Variants in SLC6A17 observed in about 807,000 individuals in gnomAD.
The protein encoded by SLC6A17 is sodium-dependent neutral amino acid transporter SLC6A17.
Under a neutral mutation model 64.5 loss-of-function variants are expected in SLC6A17, and 21 were observed. The observed-to-expected ratio is 0.33, with a 90% CI of 0.23 to 0.47. The LOEUF is 0.47. Ranked by LOEUF, SLC6A17 falls within the 20% of genes least tolerant of loss-of-function variation. The pLI is 1.00. For synonymous variants in SLC6A17, 372 were observed against 399.5 expected (o/e 0.93, Z 0.82); for missense variants, 682 against 963.2 (o/e 0.71, Z 3.86).
intron 2 of SLC6A17, among the ~76,000 whole-genome samples, chr1:110,169,345 T>A (rs1656155555): frequency 6.6e-6 from 1 of 152,206 alleles, no homozygotes; most frequent in Admixed American, 6.5e-5. Context: ...CCCTGTGTGA[T>A]AGGTGTTGGG....
intron 1 of SLC6A17, among the ~76,000 whole-genome samples, chr1:110,156,972 G>A (rs140766140): frequency 6.6e-6 from 1 of 152,188 alleles, no homozygotes; most frequent in South Asian, 2.1e-4. Context: ...GATGCTGTGA[G>A]GACTCATCTG....
intron 8 of SLC6A17, 57 bp from the exon 9 acceptor site, chr1:110,194,521 CA>C (rs1656908969): frequency 1.3e-6 from 2 of 1,558,526 alleles, no homozygotes; most frequent in African/African-American, 1.4e-5. Flanking sequence ...GGGAAGGAAG[CA>C]GTGGGCTCCC....
At chr1:110,196,483 G>A (rs991623755) in intron 10 of SLC6A17, among the ~76,000 whole-genome samples, 1 of 152,156 alleles carries the variant, frequency 6.6e-6, no homozygotes, top group East Asian at 1.9e-4. Context: ...GACAGGGAGT[G>A]GGGGGAAGGA....
chr1:110,169,612 A>G (rs1656163312), intron 2 of SLC6A17, among the ~76,000 whole-genome samples: 1 of 152,030 alleles, frequency 6.6e-6, no homozygotes, highest in South Asian at 2.1e-4. Context: ...GGCTTAGAAT[A>G]CTGACCGAGG....
Position 110,194,660 on chromosome 1 carries a change from A to C in SLC6A17, c.1381A>C (p.Met461Leu), listed in dbSNP as rs983602980. ...CCCCGCCTCCCCGTTCTGGTCCGTC[A>C]TGTTCTTCTTGATGCTTATCAACCT... ...HFPASPFWSV[M>L]FFLMLINLGL... Residue 461 changes from methionine to leucine, a missense_variant, in exon 9 of 12, where the codon ATG (methionine) becomes CTG (leucine). By Grantham distance (15) the Met-to-Leu change is conservative (BLOSUM62 2). Coordinates refer to ENST00000331565, the MANE Select transcript of SLC6A17 (RefSeq NM_001010898.4). The C allele has an allele frequency of 7.4e-6, 12 of 1,614,038 alleles. No homozygotes were observed. The highest frequency in any genetic ancestry group is 1.3e-5 in the African/African-American group (1 of 74,904).
intron 2 of SLC6A17, among the ~76,000 whole-genome samples, chr1:110,170,377 G>C (rs925500164): frequency 6.6e-6 from 1 of 152,164 alleles, no homozygotes; most frequent in African/African-American, 2.4e-5. Flanking sequence ...CCAGCTACTC[G>C]AGAGGCTGAG....
At chr1:110,170,086 G>C (rs1483745825) in intron 2 of SLC6A17, among the ~76,000 whole-genome samples, 3 of 152,058 alleles carry the variant, frequency 2.0e-5, no homozygotes, top group Non-Finnish European at 4.4e-5. Context: ...TCTTTGGGGA[G>C]AAAAAAGAGG....
chr1:110,191,462 G>A (rs1358935410), intron 6 of SLC6A17, among the ~76,000 whole-genome samples: 3 of 152,138 alleles, frequency 2.0e-5, no homozygotes, highest in Non-Finnish European at 2.9e-5. Flanking sequence ...AAAAGCAGGC[G>A]GTTTGGGTTT....
intron 6 of SLC6A17, among the ~76,000 whole-genome samples, chr1:110,184,704 G>T (rs968003399): frequency 2.6e-5 from 4 of 152,230 alleles, no homozygotes; most frequent in African/African-American, 9.6e-5. Flanking sequence ...GGCCCCAGGA[G>T]TGTGGAGAGT....
At position 110,187,421 on chromosome 1, in the gene SLC6A17, A is replaced by T. The variant is rs557810; in HGVS notation, c.865-4551A>T. 4.6e-3 allele frequency among the ~76,000 whole-genome samples: 704 copies of T among 152,118 alleles called. 4 individuals carry two copies. The highest frequency in any genetic ancestry group is 0.015 in the African/African-American group (610 of 41,478). On this transcript the variant is annotated intron_variant, in intron 6 of 11. Coordinates refer to ENST00000331565, the MANE Select transcript of SLC6A17 (RefSeq NM_001010898.4). The stretch of plus-strand genomic sequence containing the variant: ...TATTTGAAGTTGGTTCGAGCAGTTG[A>T]CCACATTTGATTGGCCAAAACTCAG...
At chr1:110,160,456 G>A (rs908471450) in intron 1 of SLC6A17, among the ~76,000 whole-genome samples, 9 of 152,236 alleles carry the variant, frequency 5.9e-5, no homozygotes, top group East Asian at 1.9e-4. Context: ...CTGTGTGTGC[G>A]AAGCACTGGT....
rs147484517 is a variant in SLC6A17 at position 110,185,443 on chromosome 1, C to T, written c.865-6529C>T. On this transcript the variant is annotated intron_variant, in intron 6 of 11. Coordinates refer to ENST00000331565, the MANE Select transcript of SLC6A17 (RefSeq NM_001010898.4). ...AGAAGCAAGGTGTGTGCTCCTGTCA[C>T]GCATGCGCTCAGGCTAGGGCTCAGC... Among the ~76,000 whole-genome samples the T allele has an allele frequency of 6.0e-4, 91 of 152,352 alleles. 1 individual carries two copies. Among genetic ancestry groups the T allele is most frequent in the Middle Eastern group, 6.8e-3 (2 of 294 alleles).
chr1:110,167,366 A>C (rs1278977834), intron 2 of SLC6A17, 151 bp downstream of exon 2: 2 of 1,014,606 alleles, frequency 2.0e-6, no homozygotes, highest in Non-Finnish European at 2.8e-6. Context: ...AATAGCTATA[A>C]TGATGGTTAG....
chr1:110,194,893 G>T, intron 9 of SLC6A17, 122 bp downstream of exon 9: 3 of 1,204,920 alleles, frequency 2.5e-6, no homozygotes, highest in Non-Finnish European at 3.5e-6. Context: ...CCCACACTGG[G>T]ACACAGCTGG....
intron 1 of SLC6A17, among the ~76,000 whole-genome samples, chr1:110,152,646 G>A (rs543526586): frequency 6.6e-6 from 1 of 152,156 alleles, no homozygotes; most frequent in African/African-American, 2.4e-5. Flanking sequence ...GTAAGGAAAG[G>A]CTCTGTGATT....
chr1:110,194,283 G>T (rs964844622), intron 8 of SLC6A17, among the ~76,000 whole-genome samples: 1 of 152,214 alleles, frequency 6.6e-6, no homozygotes, highest in Non-Finnish European at 1.5e-5. Flanking sequence ...TGAGCTGGGT[G>T]TATTTCTAAA....
intron 1 of SLC6A17, among the ~76,000 whole-genome samples, chr1:110,162,194 G>A (rs186213634): frequency 1.4e-5 from 2 of 138,304 alleles, no homozygotes; most frequent in African/African-American, 5.0e-5. Flanking sequence ...AGCTACTAAG[G>A]GGGGGATAAT....
intron 1 of SLC6A17, among the ~76,000 whole-genome samples, chr1:110,153,157 G>T (rs533249904): frequency 6.6e-5 from 10 of 152,292 alleles, no homozygotes; most frequent in Middle Eastern, 6.8e-3. Context: ...ACTCCTTGGG[G>T]TTGTTTCTGA....
chr1:110,192,463 C>T lies in SLC6A17; in HGVS notation c.1107-43C>T. On this transcript the variant is annotated intron_variant, in intron 7 of 11. Transcript: ENST00000331565. The surrounding 1 kb of genome is among the most constrained non-coding windows in gnomAD (Gnocchi z 4.3). ...AGCCTCCAGGATCTCACCCATTGCCCACCCCTGCCTTCTTACCTGGTCCTC... is the reference window on the plus strand; with the variant it reads ...AGCCTCCAGGATCTCACCCATTGCCTACCCCTGCCTTCTTACCTGGTCCTC... 3 of 1,571,924 alleles carry T rather than the reference C, an allele frequency of 1.9e-6. No homozygotes were observed. Among genetic ancestry groups the T allele is most frequent in the Non-Finnish European group, 1.7e-6 (2 of 1,157,462 alleles).
Sources: allele counts gnomAD v4.1 joint callset (sites outside exome capture counted in the v4.1 genomes callset), GRCh38; gene constraint gnomAD v4.1.1; non-coding constraint Gnocchi (gnomAD v3.1); transcripts MANE v1.5; gene names NCBI Gene and HGNC (gene_info 2026-07-23, HGNC 2026-07-21).